The following FRMD4A variants were observed in gnomAD, a reference collection of about 807,000 sequenced individuals.
The protein encoded by FRMD4A is FERM domain-containing protein 4A.
A neutral mutation model predicts 129.1 loss-of-function variants in FRMD4A; 29 were observed. The observed-to-expected ratio is 0.22, with a 90% confidence interval of 0.17 to 0.31. The LOEUF (loss-of-function observed/expected upper bound fraction) is 0.31. Among genes scored for constraint, FRMD4A ranks in the 10% least tolerant of loss-of-function variants. FRMD4A has a pLI of 1.00. For synonymous variants in FRMD4A, 634 were observed against 571.6 expected (o/e 1.11, Z -1.56); for missense variants, 1,272 against 1,375.8 (o/e 0.92, Z 1.19).
At chr10:13,988,649 T>G (rs1334321634) in intron 2 of FRMD4A, among the ~76,000 whole-genome samples, 1 of 152,166 alleles carries the variant, frequency 6.6e-6, no homozygotes, top group Non-Finnish European at 1.5e-5. Flanking sequence ...TAGATACCGA[T>G]GGATAGATAC....
chr10:13,955,569 G>A lies in FRMD4A; in HGVS notation c.46-96657C>T, dbSNP rs376189835. On this transcript the variant is annotated intron_variant, in intron 2 of 24. Coordinates refer to ENST00000357447, the MANE Select transcript of FRMD4A (RefSeq NM_018027.5). Reference sequence around the variant, plus strand: ...TTTCTGCAGATGAGCTGCAGTACTAGTCCTCAGGCCTTTGCATATGGCTAG... The same window carrying A: ...TTTCTGCAGATGAGCTGCAGTACTAATCCTCAGGCCTTTGCATATGGCTAG... 7.6e-4 allele frequency among the ~76,000 whole-genome samples: 116 copies of A among 152,326 alleles called. 1 individual carries two copies. The highest frequency in any genetic ancestry group is 2.4e-3 in the African/African-American group (99 of 41,574).
At chr10:13,964,707 C>CT (rs2095473319) in intron 2 of FRMD4A, among the ~76,000 whole-genome samples, 2 of 144,062 alleles carry the variant, frequency 1.4e-5, no homozygotes, top group African/African-American at 2.6e-5. Flanking sequence ...GAGTTTCGCT[C>CT]TGTCACCAGG....
At chr10:14,229,358 T>C (rs1843559224) in intron 2 of FRMD4A, among the ~76,000 whole-genome samples, 1 of 152,234 alleles carries the variant, frequency 6.6e-6, no homozygotes, top group Non-Finnish European at 1.5e-5. Context: ...GCACATATCC[T>C]ATCATTTAAA....
chr10:14,020,219 G>A (rs1187287832), intron 2 of FRMD4A, among the ~76,000 whole-genome samples: 3 of 152,132 alleles, frequency 2.0e-5, no homozygotes, highest in East Asian at 3.9e-4. Context: ...TTCCTCTCAC[G>A]AACCCAGCAG....
At chr10:13,976,302 A>G in intron 2 of FRMD4A, among the ~76,000 whole-genome samples, 1 of 152,176 alleles carries the variant, frequency 6.6e-6, no homozygotes, top group East Asian at 1.9e-4. Context: ...GCCCTAACTC[A>G]GTGGCTGACC....
intron 17 of FRMD4A, among the ~76,000 whole-genome samples, chr10:13,668,879 G>A (rs2083277158): frequency 6.6e-6 from 1 of 152,046 alleles, no homozygotes; most frequent in Non-Finnish European, 1.5e-5. Flanking sequence ...CCTACGGTGT[G>A]GCACCCCTCC....
chr10:13,731,008 A>G (rs1026620339), intron 12 of FRMD4A, among the ~76,000 whole-genome samples: 3 of 150,516 alleles, frequency 2.0e-5, no homozygotes, highest in Admixed American at 6.6e-5. Flanking sequence ...AGCCTGGGAG[A>G]CAGAGCGAGA....
In FRMD4A at chr10:13,666,275, A is replaced by T; in HGVS notation, c.1425T>A (p.Ile475=). 5 of 1,614,024 alleles carry T rather than the reference A, an allele frequency of 3.1e-6. No homozygotes were observed. The highest frequency in any genetic ancestry group is 4.2e-6 in the Non-Finnish European group (5 of 1,179,958). Residue 475 remains isoleucine, a synonymous_variant, in exon 18 of 25, where the codon ATT becomes ATA. Coordinates refer to ENST00000357447, the MANE Select transcript of FRMD4A (RefSeq NM_018027.5). The part of the protein sequence containing the change: ...LEREFAIQSQ[I]TEAARRLASD... ...TGGCTAGGCGGCGGGCGGCCTCCGTAATCTGGGACTGAATGGCAAACTCTC... is the reference window on the plus strand; with the variant it reads ...TGGCTAGGCGGCGGGCGGCCTCCGTTATCTGGGACTGAATGGCAAACTCTC...
intron 3 of FRMD4A, among the ~76,000 whole-genome samples, chr10:13,858,237 C>A (rs2131035735): frequency 6.6e-6 from 1 of 152,236 alleles, no homozygotes; most frequent in East Asian, 1.9e-4. Context: ...AGTTCCAGAC[C>A]AGTCTGACCA....
chr10:14,280,982 A>AT (rs772555677), intron 2 of FRMD4A, among the ~76,000 whole-genome samples: 13,055 of 76,626 alleles, frequency 0.17, 2,652 homozygotes, highest in Non-Finnish European at 0.21. Context: ...ACTGGTTTCA[A>AT]TTTTTTTTTT....
chr10:14,223,671 G>T (rs1301766848), intron 2 of FRMD4A, among the ~76,000 whole-genome samples: 3 of 150,134 alleles, frequency 2.0e-5, no homozygotes, highest in Admixed American at 2.0e-4. Context: ...TGGCTGGGAG[G>T]TTGAGGCTGC....
rs188846248 is a variant in FRMD4A, at chr10:14,102,019, T to G, written c.45+228039A>C. ...AAGTCCAACCCGTAGACTACCATGC[T>G]TTTTGGGAATAGAAGATGCACGTTT... On this transcript the variant is annotated intron_variant, in intron 2 of 24. Transcript: ENST00000357447. 2.4e-4 allele frequency among the ~76,000 whole-genome samples: 37 copies of G among 152,318 alleles called. No homozygotes were observed. The East Asian group carries it at 6.0e-3, about 25-fold the overall frequency.
rs868124938 is a variant in FRMD4A, at chr10:14,193,955, A to G, written c.45+136103T>C. Among the ~76,000 whole-genome samples, 4 of 152,332 alleles carry G rather than the reference A, an allele frequency of 2.6e-5. No homozygotes were observed. The South Asian group carries it at 8.3e-4, about 32-fold the overall frequency. On this transcript the variant is annotated intron_variant, in intron 2 of 24. Transcript: ENST00000357447. ...GATTCAAAGTTGATACATACAAACT[A>G]TGGAAATTCCCTTTCTTTTTTAATT...
chr10:13,795,239 T>G (rs915708003), intron 5 of FRMD4A, among the ~76,000 whole-genome samples: 5 of 152,248 alleles, frequency 3.3e-5, no homozygotes, highest in Non-Finnish European at 7.3e-5. Flanking sequence ...TTGCTTTATA[T>G]GGTTGCTTTG....
chr10:14,197,920 C>T (rs1842519275), intron 2 of FRMD4A, among the ~76,000 whole-genome samples: 1 of 152,214 alleles, frequency 6.6e-6, no homozygotes, highest in South Asian at 2.1e-4. Flanking sequence ...CATCACTGAC[C>T]ATGTGTCATA....
At chr10:13,933,587 C>G (rs777770377) in intron 2 of FRMD4A, among the ~76,000 whole-genome samples, 13 of 152,208 alleles carry the variant, frequency 8.5e-5, no homozygotes, top group Non-Finnish European at 1.5e-4. Context: ...ACAGGGGTCA[C>G]TCTATCCCAC....
At chr10:14,195,794 T>C (rs1842455833) in intron 2 of FRMD4A, among the ~76,000 whole-genome samples, 1 of 152,220 alleles carries the variant, frequency 6.6e-6, no homozygotes, top group Non-Finnish European at 1.5e-5. Flanking sequence ...CAGTGTACTG[T>C]GGCATCCTGC....
intron 5 of FRMD4A, among the ~76,000 whole-genome samples, chr10:13,783,294 G>T (rs1183156181): frequency 6.6e-6 from 1 of 152,156 alleles, no homozygotes; most frequent in African/African-American, 2.4e-5. Flanking sequence ...TGATTTCTTT[G>T]TCCTATCTGC....
intron 2 of FRMD4A, among the ~76,000 whole-genome samples, chr10:13,881,795 A>C (rs1466404733): frequency 6.6e-6 from 1 of 151,774 alleles, no homozygotes; most frequent in Non-Finnish European, 1.5e-5. Flanking sequence ...TCCAGCACGC[A>C]TGCTTCTGGA....
Sources: allele counts gnomAD v4.1 joint callset (sites outside exome capture counted in the v4.1 genomes callset), GRCh38; gene constraint gnomAD v4.1.1; transcripts MANE v1.5; gene names NCBI Gene and HGNC (gene_info 2026-07-23, HGNC 2026-07-21).